Variants in PRKDC observed in about 807,000 individuals in gnomAD.
PRKDC encodes protein kinase, DNA-activated, catalytic subunit, also known as DNA-dependent protein kinase catalytic subunit.
PRKDC carries 82 observed loss-of-function variants against 486.9 expected under a neutral mutation model. The observed-to-expected ratio is 0.17, with a 90% confidence interval of 0.14 to 0.20. The LOEUF (loss-of-function observed/expected upper bound fraction) is 0.20, where lower values mean the gene tolerates loss of function less well. Among genes scored for constraint, PRKDC ranks in the 10% least tolerant of loss-of-function variants. The probability of loss-of-function intolerance (pLI) is 1.00; values close to 1 mark genes in which losing one functional copy is unlikely to be tolerated. For missense variants in PRKDC, 4,504 were observed against 5,038.2 expected (o/e 0.89, Z 3.21); for synonymous variants, 1,895 against 1,837.0 (o/e 1.03, Z -0.81).
At chr8:47,836,185 A>AC (rs1240149118) in intron 58 of PRKDC, among the ~76,000 whole-genome samples, 153 bp downstream of exon 58, 1 of 151,880 alleles carries the variant, frequency 6.6e-6, no homozygotes, top group Non-Finnish European at 1.5e-5. Flanking sequence ...TGTTATAGGA[A>AC]CCCCCTCTTT....
chr8:47,869,202 G>A (rs2088888719), intron 40 of PRKDC, among the ~76,000 whole-genome samples: 2 of 151,988 alleles, frequency 1.3e-5, no homozygotes, highest in South Asian at 4.1e-4. Context: ...GCCACTATGG[G>A]AGTGCTTGGC....
At position 47,900,283 on chromosome 8, in the gene PRKDC, A is replaced by C. The variant is rs988125607; in HGVS notation, c.3364+90T>G. Reference sequence around the variant, plus strand: ...TTATAGAACTCTTGGGAAAAAAAAAACCTTATAAGAGAATCACACGAGCCT... The same window carrying C: ...TTATAGAACTCTTGGGAAAAAAAAACCCTTATAAGAGAATCACACGAGCCT... On this transcript the variant is annotated intron_variant, in intron 28 of 85. Coordinates refer to ENST00000314191, the MANE Select transcript of PRKDC (RefSeq NM_006904.7). The C allele has an allele frequency of 3.7e-5, 32 of 867,948 alleles. 1 individual carries two copies. In the South Asian group the frequency reaches 1.1e-3, roughly 31 times the overall value. The allele number at this position is 867,948 out of a possible 1,614,324, so 53.8% of individuals were successfully genotyped here.
chr8:47,908,153 G>T (rs999199125), intron 25 of PRKDC, among the ~76,000 whole-genome samples: 1 of 152,194 alleles, frequency 6.6e-6, no homozygotes, highest in East Asian at 1.9e-4. Flanking sequence ...ACCATGACAC[G>T]CAGGGTCCTT....
rs571494660 is a variant in PRKDC at position 47,915,407 on chromosome 8, T to C, written c.2538A>G (p.Ile846Met). 1 of 1,541,536 alleles carries C rather than the reference T, an allele frequency of 6.5e-7. No individual in the cohort carries two copies. The highest frequency in any genetic ancestry group is 8.8e-7 in the Non-Finnish European group (1 of 1,132,968). ...CTCTAATTCTTATTTCTTCTAAGGA[T>C]ATTGCTTCGTTCTGTAAATTTGAAC... Reference protein sequence around the residue: ...KTKNLSSNEAISLEEIRIRVV... With the variant: ...KTKNLSSNEAMSLEEIRIRVV... Residue 846 changes from isoleucine (I) to methionine (M), a missense_variant, in exon 23 of 86, where the codon ATA becomes ATG. By Grantham distance (10) the Ile-to-Met change is conservative. Around this residue, in one of 6 missense-constraint regions of PRKDC, gnomAD observed 1,969 missense variants for 2,068.9 expected, o/e 0.95. Coordinates refer to ENST00000314191, the MANE Select transcript of PRKDC (RefSeq NM_006904.7).
Position 47,863,449 on chromosome 8 carries a change from G to A in PRKDC, c.5700C>T (p.Phe1900=). 2 of 1,612,182 alleles carry A rather than the reference G, an allele frequency of 1.2e-6. No individual in the cohort carries two copies. The highest frequency in any genetic ancestry group is 1.7e-6 in the Non-Finnish European group (2 of 1,179,022). The change falls in exon 42 of 86, where the codon TTC becomes TTT. Residue 1900 remains phenylalanine, a synonymous_variant. Transcript: ENST00000314191. Reference sequence around the variant, plus strand: ...TTCCTTCTGTAATACACGAGCCATGGAAAACTTGATTAATTTTTGATTCCT... The same window carrying A: ...TTCCTTCTGTAATACACGAGCCATGAAAAACTTGATTAATTTTTGATTCCT... ...HAKESKINQV[F]HGSCITEGNE... is the part of the protein sequence containing the mutation.
At chr8:47,829,095 G>A (rs760887036) in intron 61 of PRKDC, among the ~76,000 whole-genome samples, 2 of 152,176 alleles carry the variant, frequency 1.3e-5, no homozygotes, top group Non-Finnish European at 2.9e-5. Context: ...AAATTACTTT[G>A]TGTAATCTTC....
chr8:47,857,355 T>C, intron 48 of PRKDC, 56 bp from the exon 49 acceptor site: 1 of 1,537,868 alleles, frequency 6.5e-7, no homozygotes, highest in Non-Finnish European at 8.8e-7. Flanking sequence ...TGCCAAAATA[T>C]TAATACAAGA....
intron 49 of PRKDC, among the ~76,000 whole-genome samples, chr8:47,855,604 C>T (rs2088519072): frequency 6.6e-6 from 1 of 152,222 alleles, no homozygotes; most frequent in Non-Finnish European, 1.5e-5. Flanking sequence ...GGCTGCTAGC[C>T]ACCATGCCCC....
intron 34 of PRKDC, among the ~76,000 whole-genome samples, chr8:47,888,061 A>G (rs542499243): frequency 5.8e-4 from 88 of 151,986 alleles, no homozygotes; most frequent in Non-Finnish European, 1.2e-3. Context: ...AATTGTTTGT[A>G]GAGATGAATT....
chr8:47,905,025 G>T, intron 25 of PRKDC, 49 bp from the exon 26 acceptor site: 2 of 1,354,550 alleles, frequency 1.5e-6, no homozygotes, highest in Non-Finnish European at 2.1e-6. Flanking sequence ...TTAAAGAAAT[G>T]TTACGCTGTA....
chr8:47,783,015 C>T (rs757723165), intron 78 of PRKDC: 26 of 196,670 alleles, frequency 1.3e-4, no homozygotes, highest in Non-Finnish European at 2.2e-4. Flanking sequence ...CAGTGGCTTA[C>T]GCCTGTAATC....
In PRKDC at chr8:47,774,337, T is replaced by C; in HGVS notation, c.12223A>G (p.Arg4075Gly). The change falls in exon 86 of 86, where the codon AGA (arginine) becomes GGA (glycine). Residue 4075 changes from arginine (R) to glycine (G), a missense_variant. This residue lies in a region of PRKDC where 706 missense variants were observed against 945.0 expected (regional missense o/e 0.75). Transcript: ENST00000314191. ...CCTCGTGCCACAGCCACATAGTCTC[T>C]GAAGGCAGGGGCCTTCTCATGACCC... is the stretch of plus-strand genomic sequence containing the variant. Reference protein sequence around the residue: ...LLGHEKAPAFRDYVAVARGSK... With the variant: ...LLGHEKAPAFGDYVAVARGSK... The C allele has an allele frequency of 1.2e-6, 2 of 1,613,534 alleles. No homozygotes were observed. The highest frequency in any genetic ancestry group is 1.7e-6 in the Non-Finnish European group (2 of 1,179,828).
chr8:47,871,071 A>AT (rs2088940683), intron 40 of PRKDC, among the ~76,000 whole-genome samples: 1 of 152,196 alleles, frequency 6.6e-6, no homozygotes, highest in Non-Finnish European at 1.5e-5. Context: ...ACAATGAAGC[A>AT]TACCTACAAG....
At chr8:47,799,994 A>T (rs1416692149) in intron 71 of PRKDC, among the ~76,000 whole-genome samples, 1 of 152,236 alleles carries the variant, frequency 6.6e-6, no homozygotes, top group East Asian at 1.9e-4. Context: ...AAAAAAATTT[A>T]AAATTCATGA....
intron 76 of PRKDC, among the ~76,000 whole-genome samples, chr8:47,787,899 T>A (rs1436135209): frequency 6.6e-6 from 1 of 152,192 alleles, no homozygotes; most frequent in Non-Finnish European, 1.5e-5. Context: ...TGTGAATATA[T>A]GTAAAACTAC....
intron 60 of PRKDC, among the ~76,000 whole-genome samples, chr8:47,831,602 GGA>G (rs2087876537): frequency 6.6e-6 from 1 of 152,084 alleles, no homozygotes. Context: ...TTCCACCCGC[GGA>G]GAGAACTGGG....
chr8:47,831,914 C>T lies in PRKDC; in HGVS notation c.8165G>A (p.Arg2722Gln). 2.5e-6 allele frequency: 4 copies of T among 1,612,366 alleles called. No homozygotes were observed. The highest frequency in any genetic ancestry group is 3.4e-6 in the Non-Finnish European group (4 of 1,178,654). The change falls in exon 60 of 86, where the codon CGG becomes CAG. Residue 2722 changes from arginine to glutamine, a missense_variant. By Grantham distance (43) the Arg-to-Gln change is conservative. Coordinates refer to ENST00000314191, the MANE Select transcript of PRKDC (RefSeq NM_006904.7). ...TCTGCGCAGTCGTAGTAGGTCCGTC[C>T]GGCCGGCCGCACCTGGAGAGGGAAA... is the stretch of plus-strand genomic sequence containing the variant. ...VDNKVKGAAG[R>Q]TDLLRLRRRF...
At chr8:47,810,999 T>G (rs2087315463) in intron 68 of PRKDC, among the ~76,000 whole-genome samples, 1 of 152,094 alleles carries the variant, frequency 6.6e-6, no homozygotes, top group African/African-American at 2.4e-5. Context: ...AAGAGAAATT[T>G]GGACAAAAAG....
At chr8:47,871,608 G>GT (rs1243964430) in intron 40 of PRKDC, among the ~76,000 whole-genome samples, 1 of 151,992 alleles carries the variant, frequency 6.6e-6, no homozygotes, top group Non-Finnish European at 1.5e-5. Flanking sequence ...TGTTGTTTTT[G>GT]TTTTTTTAAG....
Sources: gnomAD v4.1 joint callset for allele counts (sites outside exome capture counted in the v4.1 genomes callset) on GRCh38, gnomAD v4.1.1 for gene constraint, gnomAD v4.1.1 regional missense constraint, MANE v1.5 for transcripts, NCBI Gene and HGNC (gene_info 2026-07-23, HGNC 2026-07-21) for gene names.